STIM1: variants seen among roughly 807,000 people sequenced by gnomAD.
The protein encoded by STIM1 is stromal interaction molecule 1.
STIM1 carries 25 observed loss-of-function variants against 74.7 expected under a neutral mutation model. That is an observed-to-expected ratio of 0.33 (90% CI 0.24 to 0.47). STIM1 has a LOEUF of 0.47. STIM1 is among the 20% of genes least tolerant of loss of function. The pLI is 1.00. For missense variants in STIM1, 728 were observed against 920.8 expected, an observed-to-expected ratio of 0.79 and a Z score of 2.71; for synonymous variants, 328 against 348.8, an observed-to-expected ratio of 0.94 and a Z score of 0.66.
At chr11:3,932,401 G>A (rs554787181) in intron 1 of STIM1, among the ~76,000 whole-genome samples, 2 of 152,224 alleles carry the variant, frequency 1.3e-5, no homozygotes, top group East Asian at 1.9e-4. Flanking sequence ...GGTGGCTCAC[G>A]CCTGTAATCC....
In STIM1 at chr11:4,082,333, G is replaced by C. The variant is rs2094469535; in HGVS notation, c.1119G>C (p.Leu373=). 18 of 1,612,782 alleles carry C rather than the reference G, an allele frequency of 1.1e-5. No individual in the cohort carries two copies. Among genetic ancestry groups the C allele is most frequent in the Non-Finnish European group, 1.5e-5 (18 of 1,179,708 alleles). Residue 373 remains leucine (L), a synonymous_variant, in exon 8 of 13, where the codon CTG becomes CTC. Transcript: ENST00000526596. ...NIKKQNAEKQ[L]LVAKEGAEKI... is the part of the protein sequence containing the mutation. ...AGAAGCAAAATGCTGAGAAGCAGCTGCTGGTGGCCAAGGAGGGGGTGAGAA... is the reference window on the plus strand; with the variant it reads ...AGAAGCAAAATGCTGAGAAGCAGCTCCTGGTGGCCAAGGAGGGGGTGAGAA...
At chr11:3,924,468 G>T (rs926126622) in intron 1 of STIM1, among the ~76,000 whole-genome samples, 1 of 152,084 alleles carries the variant, frequency 6.6e-6, no homozygotes, top group African/African-American at 2.4e-5. Context: ...AAAGTGCTGA[G>T]ATTACAGGCG....
intron 6 of STIM1, among the ~76,000 whole-genome samples, chr11:4,072,601 A>G (rs1480817065): frequency 6.6e-6 from 1 of 152,196 alleles, no homozygotes; most frequent in Non-Finnish European, 1.5e-5. Flanking sequence ...ATTGTTCTCC[A>G]TCTCTAACAG....
chr11:3,940,406 G>A (rs1269434250), intron 1 of STIM1, among the ~76,000 whole-genome samples: 2 of 152,136 alleles, frequency 1.3e-5, no homozygotes, highest in Non-Finnish European at 2.9e-5. Context: ...GATCATAAGG[G>A]GCTGAGAAGG....
intron 1 of STIM1, among the ~76,000 whole-genome samples, chr11:3,875,452 A>G (rs562367952): frequency 2.2e-4 from 33 of 152,216 alleles, no homozygotes; most frequent in Middle Eastern, 3.2e-3. Flanking sequence ...TAGGCCAGGC[A>G]CAGTGGCTCA....
intron 1 of STIM1, among the ~76,000 whole-genome samples, chr11:3,889,715 C>T (rs2091840191): frequency 1.3e-5 from 2 of 152,064 alleles, no homozygotes; most frequent in African/African-American, 2.4e-5. Context: ...AGGGTCTGGC[C>T]TCTAGGTTTG....
intron 1 of STIM1, among the ~76,000 whole-genome samples, chr11:3,889,525 A>G (rs2091835269): frequency 1.3e-5 from 2 of 151,900 alleles, no homozygotes; most frequent in South Asian, 4.2e-4. Context: ...ACGCCACCGC[A>G]TCTGGCTAAT....
chr11:4,000,113 C>T (rs1590634680), intron 2 of STIM1, among the ~76,000 whole-genome samples: 1 of 152,018 alleles, frequency 6.6e-6, no homozygotes, highest in East Asian at 1.9e-4. Context: ...CACCACGGCT[C>T]AAGGAGGCCT....
chr11:3,854,682 G>A (rs189273987), upstream of STIM1: 1 of 152,298 alleles, frequency 6.6e-6, no homozygotes, highest in Admixed American at 6.5e-5. Context: ...ATGCAGGGAG[G>A]AAGCATTTAC....
At chr11:4,048,673 T>G (rs941514797) in intron 3 of STIM1, among the ~76,000 whole-genome samples, 1 of 152,124 alleles carries the variant, frequency 6.6e-6, no homozygotes, top group Non-Finnish European at 1.5e-5. Flanking sequence ...TAACAAAGTA[T>G]AGAGATAAAT....
intron 1 of STIM1, among the ~76,000 whole-genome samples, chr11:3,886,687 C>CAAAA (rs199847545): frequency 2.3e-5 from 2 of 87,916 alleles, no homozygotes; most frequent in African/African-American, 1.1e-4. Flanking sequence ...GACTCTGTGT[C>CAAAA]AAAAAAAAAA....
chr11:4,049,712 C>T (rs77508002), intron 3 of STIM1: 1 of 97,690 alleles, frequency 1.0e-5, no homozygotes, highest in African/African-American at 4.8e-5. Flanking sequence ...ACCCCCCTGC[C>T]CAAACACACA....
intron 1 of STIM1, among the ~76,000 whole-genome samples, chr11:3,913,612 T>G (rs1481889734): frequency 2.0e-5 from 3 of 152,202 alleles, no homozygotes; most frequent in Non-Finnish European, 4.4e-5. Context: ...TTCCCTGAAC[T>G]CTCTCATATA....
chr11:3,924,562 A>G (rs2092764824), intron 1 of STIM1, among the ~76,000 whole-genome samples: 1 of 152,096 alleles, frequency 6.6e-6, no homozygotes. Context: ...GCAATAGTCA[A>G]TAGTATTACT....
intron 2 of STIM1, among the ~76,000 whole-genome samples, chr11:4,012,416 G>C (rs529383958): frequency 6.6e-6 from 1 of 152,266 alleles, no homozygotes; most frequent in African/African-American, 2.4e-5. Flanking sequence ...GTTGTTTGTA[G>C]TTCTCCTTGA....
In STIM1 at chr11:4,083,657, T is replaced by C. The variant is rs540783962; in HGVS notation, c.1474+159T>C. 847 of 707,130 alleles carry C rather than the reference T, an allele frequency of 1.2e-3. 20 individuals carry two copies. The South Asian group carries it at 0.014, about 12-fold the overall frequency. The allele number at this position is 707,130 out of a possible 1,614,324, so 43.8% of individuals were successfully genotyped here. A position where few individuals can be genotyped will look rare whatever the true frequency, so the allele number is the denominator to read the frequency against. ...ATAAAGCACAATTTACTCAGGTTATTTCTTTATAGTTGTCCTTTTGGTGTT... is the reference window on the plus strand; with the variant it reads ...ATAAAGCACAATTTACTCAGGTTATCTCTTTATAGTTGTCCTTTTGGTGTT... On this transcript the variant is annotated intron_variant, in intron 10 of 12. Coordinates refer to ENST00000526596, the MANE Select transcript of STIM1 (RefSeq NM_001382567.1).
intron 1 of STIM1, among the ~76,000 whole-genome samples, chr11:3,895,675 CTTCCTTCCTTCTTTCTTTCTTTCT>C (rs1565104874): frequency 0.023 from 1,150 of 49,000 alleles, 113 homozygotes; most frequent in Middle Eastern, 0.033. Context: ...TCTTTCTTTC[CTTCCTTCCTTCTTTCTTTCTTTCT>C]TTCTTTCTTT....
intron 11 of STIM1, chr11:4,086,130 A>G (rs1336956721): frequency 1.0e-5 from 3 of 286,070 alleles, no homozygotes; most frequent in African/African-American, 6.5e-5. Context: ...GGCTTTCTGA[A>G]AAGGCTGGTT....
chr11:4,059,306 A>G lies in STIM1; in HGVS notation c.523A>G (p.Thr175Ala), dbSNP rs774729638. ...GCTGGCTGTCACCAACACCACCATG[A>G]CAGGGACTGTGCTGAAGATGACAGA... ...PRLAVTNTTM[T>A]GTVLKMTDRS... Residue 175 changes from threonine to alanine, a missense_variant, in exon 5 of 13, where the codon ACA (threonine) becomes GCA (alanine). Thr to Ala is a moderately conservative substitution (Grantham distance 58). Transcript: ENST00000526596. 6.2e-7 allele frequency: 1 copy of G among 1,614,108 alleles called. No individual in the cohort carries two copies.
Sources: gnomAD v4.1 joint callset for allele counts (sites outside exome capture counted in the v4.1 genomes callset) on GRCh38, gnomAD v4.1.1 for gene constraint, MANE v1.5 for transcripts, NCBI Gene and HGNC (gene_info 2026-07-23, HGNC 2026-07-21) for gene names.